Variants in UNC13A observed in about 807,000 individuals in gnomAD.
UNC13A encodes protein unc-13 homolog A.
Under a neutral mutation model 219.7 loss-of-function variants are expected in UNC13A, and 61 were observed. The observed-to-expected ratio is 0.28, with a 90% CI of 0.23 to 0.34. The LOEUF is 0.34. Ranked by LOEUF, UNC13A falls within the 10% of genes least tolerant of loss-of-function variation. The pLI, the probability that UNC13A is intolerant of heterozygous loss-of-function variation, is 1.00. For missense variants in UNC13A, 1,476 were observed against 2,270.3 expected, an observed-to-expected ratio of 0.65 and a Z score of 7.11; for synonymous variants, 920 against 884.6, an observed-to-expected ratio of 1.04 and a Z score of -0.71.
At chr19:17,686,980 C>T (rs1365639149) in intron 1 of UNC13A, among the ~76,000 whole-genome samples, 1 of 152,292 alleles carries the variant, frequency 6.6e-6, no homozygotes, top group East Asian at 1.9e-4. Flanking sequence ...CCCCTTCCCC[C>T]ACCCCAGCCT....
chr19:17,611,725 T>C, intron 42 of UNC13A, 38 bp downstream of exon 42: 1 of 1,586,802 alleles, frequency 6.3e-7, no homozygotes, highest in South Asian at 1.1e-5. Context: ...GTTTCTGTTT[T>C]AGAACCTAGC....
intron 2 of UNC13A, among the ~76,000 whole-genome samples, chr19:17,675,657 AAAAG>A (rs2079883906): frequency 1.3e-5 from 2 of 150,954 alleles, no homozygotes; most frequent in Non-Finnish European, 3.0e-5. Flanking sequence ...GAAGAAGAAG[AAAAG>A]AAAGAAACTC....
chr19:17,611,667 A>C, intron 42 of UNC13A, 96 bp downstream of exon 42: 2 of 1,167,356 alleles, frequency 1.7e-6, no homozygotes, highest in South Asian at 1.4e-5. Flanking sequence ...ATGGACCATT[A>C]AACAACAACA....
At chr19:17,633,084 G>A (rs754050590) in intron 27 of UNC13A, 24 bp downstream of exon 27, 3 of 1,613,708 alleles carry the variant, frequency 1.9e-6, no homozygotes. Flanking sequence ...GCCAGGCTGG[G>A]GAACACTGGG....
At chr19:17,652,582 G>A in intron 12 of UNC13A, 49 bp downstream of exon 12, 1 of 1,612,556 alleles carries the variant, frequency 6.2e-7, no homozygotes, top group East Asian at 2.2e-5. Context: ...ACCAGCCTTG[G>A]ACTTGGGGTT....
rs1406125975 is a variant in UNC13A, at chr19:17,647,150, C to A, written c.2044+115G>T. 3.0e-6 allele frequency: 3 copies of A among 996,706 alleles called. No individual in the cohort carries two copies. In the East Asian group the frequency reaches 7.9e-5, roughly 26 times the overall value. The allele number at this position is 996,706 out of a possible 1,614,324, so 61.7% of individuals were successfully genotyped here. A position where few individuals can be genotyped will look rare whatever the true frequency, so the allele number is the denominator to read the frequency against. On this transcript the variant is annotated intron_variant, in intron 17 of 43. Transcript: ENST00000519716. Reference sequence around the variant, plus strand: ...ACACACGGAGATGAGATGGAATGCACCCGACCGAGTGAGTGCGCGCTGCAA... The same window carrying A: ...ACACACGGAGATGAGATGGAATGCAACCGACCGAGTGAGTGCGCGCTGCAA...
At chr19:17,679,164 C>A (rs2079958429) in intron 1 of UNC13A, among the ~76,000 whole-genome samples, 1 of 152,058 alleles carries the variant, frequency 6.6e-6, no homozygotes, top group African/African-American at 2.4e-5. Flanking sequence ...CACTTTGAGG[C>A]CGAGGCAGGT....
At position 17,656,064 on chromosome 19, in the gene UNC13A, C is replaced by T; in HGVS notation, c.1102G>A (p.Glu368Lys). 2 of 1,555,636 alleles carry T rather than the reference C, an allele frequency of 1.3e-6. No individual in the cohort carries two copies. Among genetic ancestry groups the T allele is most frequent in the Non-Finnish European group, 1.7e-6 (2 of 1,149,184 alleles). ...YAQREDVAVA[E>K]PKDFKRISLP... ...CTGATGCGTTTGAAGTCTTTGGGCT[C>T]AGCCACAGCTACGTCTTCACGCTGG... The change falls in exon 10 of 44, where the codon GAG becomes AAG. Residue 368 changes from glutamate to lysine, a missense_variant. Physicochemically the swap from Glu to Lys is moderately conservative, Grantham distance 56. Around this residue, in one of 14 missense-constraint regions of UNC13A, gnomAD observed 351 missense variants for 342.6 expected, o/e 1.02. Coordinates refer to ENST00000519716, the MANE Select transcript of UNC13A (RefSeq NM_001080421.3).
chr19:17,628,131 T>C, intron 31 of UNC13A, 191 bp from the exon 32 acceptor site: 1 of 610,498 alleles, frequency 1.6e-6, no homozygotes, highest in Non-Finnish European at 2.9e-6. Flanking sequence ...GGCGGGCATC[T>C]CTGGGGACTG....
chr19:17,650,000 G>A lies in UNC13A; in HGVS notation c.1440-413C>T, dbSNP rs182887879. Among the ~76,000 whole-genome samples, 194 of 152,238 alleles carry A rather than the reference G, an allele frequency of 1.3e-3. 1 individual carries two copies. Among genetic ancestry groups the A allele is most frequent in the African/African-American group, 4.5e-3 (186 of 41,528 alleles). On this transcript the variant is annotated intron_variant, in intron 12 of 43. Coordinates refer to ENST00000519716, the MANE Select transcript of UNC13A (RefSeq NM_001080421.3). This position sits in a 1 kb window ranked among gnomAD's most constrained non-coding sequence, Gnocchi z 4.4. Reference sequence around the variant, plus strand: ...CTTCTACAGATTTCAGAGGGAGCATGGCTCTACCAATGCCTTGATTTCAGA... The same window carrying A: ...CTTCTACAGATTTCAGAGGGAGCATAGCTCTACCAATGCCTTGATTTCAGA...
Position 17,647,290 on chromosome 19 carries a change from C to T in UNC13A, c.2019G>A (p.Lys673=). Residue 673 remains lysine, a synonymous_variant, in exon 17 of 44, where the codon AAG becomes AAA. Coordinates refer to ENST00000519716, the MANE Select transcript of UNC13A (RefSeq NM_001080421.3). ...CGGTGATGCTGATCTTGGCGGACCA[C>T]TTGGACGTGCCGTCCAGCACGCTCT... ...VKQSVLDGTS[K]WSAKISITVV... 4 of 1,595,204 alleles carry T rather than the reference C, an allele frequency of 2.5e-6. No individual in the cohort carries two copies. Among genetic ancestry groups the T allele is most frequent in the Non-Finnish European group, 3.4e-6 (4 of 1,171,214 alleles).
intron 1 of UNC13A, among the ~76,000 whole-genome samples, chr19:17,685,880 C>G (rs937308818): frequency 2.0e-5 from 3 of 152,048 alleles, no homozygotes; most frequent in Non-Finnish European, 4.4e-5. Flanking sequence ...CAACCCATCT[C>G]AGCCTAGCTT....
At chr19:17,673,387 T>G (rs1205955036) in intron 3 of UNC13A, among the ~76,000 whole-genome samples, 1 of 146,502 alleles carries the variant, frequency 6.8e-6, no homozygotes, top group Non-Finnish European at 1.5e-5. Context: ...TATATATATC[T>G]GATATATATA....
rs548503105 is a variant in UNC13A at position 17,644,263 on chromosome 19, ACTGCAGCTTCAAC to A, written c.2357-1316_2357-1304del. 1.1e-3 allele frequency among the ~76,000 whole-genome samples: 160 copies of A among 148,682 alleles called. 1 individual carries two copies. Among genetic ancestry groups the A allele is most frequent in the Middle Eastern group, 3.8e-3 (1 of 264 alleles). The stretch of plus-strand genomic sequence containing the variant: ...GAGTGCAGTGGCATGATCATAGCTC[ACTGCAGCTTCAAC>A]CTCCCAGGTACAAATGATGCTTCCA... On this transcript the variant is annotated intron_variant, in intron 19 of 43. Transcript: ENST00000519716.
At position 17,680,892 on chromosome 19, in the gene UNC13A, T is replaced by C. The variant is rs535814519; in HGVS notation, c.23-4851A>G. 3.4e-4 allele frequency among the ~76,000 whole-genome samples: 28 copies of C among 82,564 alleles called. No individual in the cohort carries two copies. In the East Asian group the frequency reaches 6.6e-3, roughly 20 times the overall value. 54.2% of individuals were successfully genotyped at this position (82,564 alleles called of 152,430 possible). ...TTCTTTTTTTTTCTTTTCTTTTCTT[T>C]TTTTTTTTTTTTTTTTTTTTGACAG... On this transcript the variant is annotated intron_variant, in intron 1 of 43. Transcript: ENST00000519716.
At position 17,658,166 on chromosome 19, in the gene UNC13A, G is replaced by A. The variant is rs772768040; in HGVS notation, c.663C>T (p.Ala221=). ...PPYYTTSQPN[A]SVHQYSVRPP... ...GGCGAACAGAATATTGGTGGACTGA[G>A]GCGTTGGGTTGTGACGTAGTATAAT... The change falls in exon 9 of 44, where the codon GCC becomes GCT. Residue 221 remains alanine (A), a synonymous_variant. Coordinates refer to ENST00000519716, the MANE Select transcript of UNC13A (RefSeq NM_001080421.3). The A allele has an allele frequency of 3.1e-6, 5 of 1,613,994 alleles. No individual in the cohort carries two copies. Among genetic ancestry groups the A allele is most frequent in the Middle Eastern group, 1.6e-4 (1 of 6,062 alleles).
At position 17,610,191 on chromosome 19, in the gene UNC13A, C is replaced by A. The variant is rs578258131; in HGVS notation, c.4652-92G>T. The A allele has an allele frequency of 1.6e-5, 25 of 1,554,674 alleles. No homozygotes were observed. The African/African-American group carries it at 2.8e-4, about 18-fold the overall frequency. On this transcript the variant is annotated intron_variant, in intron 42 of 43. Transcript: ENST00000519716. ...CTCTCAAAACCTGCCCAAGGCTGGGCGCAGTGGCTCACGCTTGTAATCCCA... is the reference window on the plus strand; with the variant it reads ...CTCTCAAAACCTGCCCAAGGCTGGGAGCAGTGGCTCACGCTTGTAATCCCA...
chr19:17,687,033 G>C (rs2080126906), intron 1 of UNC13A, among the ~76,000 whole-genome samples: 1 of 152,168 alleles, frequency 6.6e-6, no homozygotes, highest in South Asian at 2.1e-4. Flanking sequence ...CAGTCCTTAA[G>C]AACCAGGGGT....
intron 19 of UNC13A, among the ~76,000 whole-genome samples, chr19:17,643,205 T>C (rs1435410556): frequency 1.3e-5 from 2 of 151,900 alleles, no homozygotes; most frequent in African/African-American, 4.8e-5. Context: ...AGAGACGGGG[T>C]TTCACCATGT....
Sources: allele counts gnomAD v4.1 joint callset (sites outside exome capture counted in the v4.1 genomes callset), GRCh38; gene constraint gnomAD v4.1.1; regional missense constraint gnomAD v4.1.1; non-coding constraint Gnocchi (gnomAD v3.1); transcripts MANE v1.5; gene names NCBI Gene and HGNC (gene_info 2026-07-23, HGNC 2026-07-21).